Variants in SLC2A10 observed in about 807,000 individuals in gnomAD.
The protein encoded by SLC2A10 is solute carrier family 2, facilitated glucose transporter member 10.
SLC2A10 carries 25 observed loss-of-function variants against 32.1 expected under a neutral mutation model. The observed-to-expected ratio is 0.78, with a 90% CI of 0.57 to 1.09. SLC2A10 has a LOEUF of 1.09. SLC2A10 is among the 50% of genes least tolerant of loss of function. SLC2A10 has a pLI of 0.00. For missense variants in SLC2A10, 673 were observed against 686.5 expected, an observed-to-expected ratio of 0.98 and a Z score of 0.22; for synonymous variants, 332 against 309.6, an observed-to-expected ratio of 1.07 and a Z score of -0.76.
Position 46,726,895 on chromosome 20 carries a change from T to G in SLC2A10, c.1320T>G (p.Pro440=). The stretch of plus-strand genomic sequence containing the variant: ...GGCTTGTCCTCAGCGAGATCTACCC[T>G]GTGGAGATACGAGGAAGAGCCTTCG... ...VTWLVLSEIY[P]VEIRGRAFAF... is the part of the protein sequence containing the mutation. The change falls in exon 3 of 5, where the codon CCT becomes CCG. Residue 440 remains proline, a synonymous_variant. Coordinates refer to ENST00000359271, the MANE Select transcript of SLC2A10 (RefSeq NM_030777.4). 1 of 1,614,150 alleles carries G rather than the reference T, an allele frequency of 6.2e-7. No individual in the cohort carries two copies. Among genetic ancestry groups the G allele is most frequent in the Non-Finnish European group, 8.5e-7 (1 of 1,180,036 alleles).
chr20:46,709,689 G>A lies in SLC2A10; in HGVS notation c.-48G>A, dbSNP rs1450918539. On this transcript the variant is annotated 5_prime_UTR_variant, in exon 1 of 5. Transcript: ENST00000359271. ...CGTTGGGGACTCCGGCGGGGGATGC[G>A]CGCCCGGCCCCTCAGCGCCCCCAGC... 33 of 1,535,046 alleles carry A rather than the reference G, an allele frequency of 2.1e-5. No homozygotes were observed. Among genetic ancestry groups the A allele is most frequent in the Non-Finnish European group, 2.7e-5 (31 of 1,141,510 alleles).
At chr20:46,732,921 A>T (rs1980372125) in intron 4 of SLC2A10, among the ~76,000 whole-genome samples, 2 of 152,146 alleles carry the variant, frequency 1.3e-5, no homozygotes, top group South Asian at 4.2e-4. Flanking sequence ...CCGGAGGTGG[A>T]AACAAGTTAG....
Position 46,728,088 on chromosome 20 carries a change from A to AAGGGAGGAAGGAAGGGAGGG in SLC2A10, c.1411+1118_1411+1137dup, listed in dbSNP as rs1303837223. On this transcript the variant is annotated intron_variant, in intron 3 of 4. Transcript: ENST00000359271. Reference sequence around the variant, plus strand: ...AGGAGAAAGAAGGAGAGAAACAAGGAAGGGAGGAAGGAAGGGAGGGAGGGA... The same window carrying AAGGGAGGAAGGAAGGGAGGG: ...AGGAGAAAGAAGGAGAGAAACAAGGAAGGGAGGAAGGAAGGGAGGGAGGGAGGAAGGAAGGGAGGGAGGGA... Among the ~76,000 whole-genome samples the AAGGGAGGAAGGAAGGGAGGG allele has an allele frequency of 5.7e-4, 87 of 152,016 alleles. 1 individual carries two copies. The highest frequency in any genetic ancestry group is 3.4e-3 in the Middle Eastern group (1 of 294).
intron 1 of SLC2A10, among the ~76,000 whole-genome samples, chr20:46,723,819 C>G (rs2123036646): frequency 6.6e-6 from 1 of 152,348 alleles, no homozygotes; most frequent in Middle Eastern, 3.4e-3. Flanking sequence ...CTACAACTTA[C>G]TTGTTATGTG....
chr20:46,733,057 T>C (rs1980379070), intron 4 of SLC2A10, among the ~76,000 whole-genome samples: 1 of 152,186 alleles, frequency 6.6e-6, no homozygotes, highest in African/African-American at 2.4e-5. Flanking sequence ...AGCATGATGA[T>C]GGTCTCCTTC....
At chr20:46,710,248 T>C (rs1015931730) in intron 1 of SLC2A10, 2 of 394,298 alleles carry the variant, frequency 5.1e-6, no homozygotes, top group East Asian at 3.6e-5. Context: ...TAACACAGCA[T>C]TGGGGTGGGA....
chr20:46,726,841 G>A (rs753340133), intron 2 of SLC2A10, 23 bp from the exon 3 acceptor site: 2 of 1,613,834 alleles, frequency 1.2e-6, no homozygotes, highest in Non-Finnish European at 8.5e-7. Flanking sequence ...CAGCCCAGGA[G>A]CCCTCCTGCT....
At chr20:46,723,469 G>C (rs1338114923) in intron 1 of SLC2A10, among the ~76,000 whole-genome samples, 1 of 152,184 alleles carries the variant, frequency 6.6e-6, no homozygotes. Context: ...AATGGACATT[G>C]ATTGGGCCAC....
intron 1 of SLC2A10, among the ~76,000 whole-genome samples, chr20:46,721,364 T>G (rs1169580653): frequency 6.6e-6 from 1 of 151,446 alleles, no homozygotes; most frequent in African/African-American, 2.4e-5. Context: ...TGCAAATCTC[T>G]AAATTATTGT....
In SLC2A10 at chr20:46,735,258, A is replaced by G. The variant is rs1319300085; in HGVS notation, c.*1424A>G. On this transcript the variant is annotated 3_prime_UTR_variant, in exon 5 of 5. Transcript: ENST00000359271. ...CATATGGGTGCTGGCAGAGCCCCCA[A>G]GGACTCTGGCCTCTCGAGTTCTCCT... is the stretch of plus-strand genomic sequence containing the variant. The G allele has an allele frequency of 6.6e-6, 1 of 152,642 alleles. No individual in the cohort carries two copies. The highest frequency in any genetic ancestry group is 1.9e-4 in the East Asian group (1 of 5,188). The allele number at this position is 152,642 out of a possible 1,614,324, so 9.5% of individuals were successfully genotyped here.
In SLC2A10 at chr20:46,725,468, C is replaced by A. The variant is rs371344477; in HGVS notation, c.432C>A (p.Thr144=). ...TGTCCCTCTATGAGGCAGGCATCAC[C>A]GTGGGCATCCTGCTCTCCTATGCCC... ...VLVSLYEAGI[T]VGILLSYALN... is the part of the protein sequence containing the mutation. Residue 144 remains threonine, a synonymous_variant, in exon 2 of 5, where the codon ACC becomes ACA. Coordinates refer to ENST00000359271, the MANE Select transcript of SLC2A10 (RefSeq NM_030777.4). The A allele has an allele frequency of 6.2e-7, 1 of 1,614,104 alleles. No individual in the cohort carries two copies. Among genetic ancestry groups the A allele is most frequent in the Admixed American group, 1.7e-5 (1 of 60,020 alleles).
chr20:46,726,318 G>A lies in SLC2A10; in HGVS notation c.1282G>A (p.Gly428Arg). 1.2e-6 allele frequency: 2 copies of A among 1,608,562 alleles called. No individual in the cohort carries two copies. Among genetic ancestry groups the A allele is most frequent in the Non-Finnish European group, 1.7e-6 (2 of 1,180,004 alleles). ...TGTCAGTGCCTTCTCCTTTGGGTTTGGGCCAGGTAAGTGGAGTTTTCTTGC... is the reference window on the plus strand; with the variant it reads ...TGTCAGTGCCTTCTCCTTTGGGTTTAGGCCAGGTAAGTGGAGTTTTCTTGC... Reference protein sequence around the residue: ...VFVSAFSFGFGPVTWLVLSEI... With the variant: ...VFVSAFSFGFRPVTWLVLSEI... Residue 428 changes from glycine to arginine, a missense_variant, in exon 2 of 5, where the codon GGG becomes AGG. Coordinates refer to ENST00000359271, the MANE Select transcript of SLC2A10 (RefSeq NM_030777.4).
chr20:46,728,946 AT>A (rs113226911), intron 3 of SLC2A10, among the ~76,000 whole-genome samples: 4,266 of 144,658 alleles, frequency 0.029, 178 homozygotes, highest in African/African-American at 0.092. Flanking sequence ...ATTTCTAAGG[AT>A]TTTTTTTTTT....
Position 46,725,491 on chromosome 20 carries a change from C to T in SLC2A10, c.455C>T (p.Ala152Val), listed in dbSNP as rs775987124. Residue 152 changes from alanine to valine, a missense_variant, in exon 2 of 5, where the codon GCC (alanine) becomes GTC (valine). By Grantham distance (64) the Ala-to-Val change is moderately conservative (BLOSUM62 0). Transcript: ENST00000359271. ...GITVGILLSYALNYALAGTPW... is the reference protein window; with the variant it reads ...GITVGILLSYVLNYALAGTPW... ...ACCGTGGGCATCCTGCTCTCCTATG[C>T]CCTCAACTATGCACTGGCTGGTACC... 42 of 1,614,056 alleles carry T rather than the reference C, an allele frequency of 2.6e-5. No individual in the cohort carries two copies. Among genetic ancestry groups the T allele is most frequent in the Non-Finnish European group, 3.6e-5 (42 of 1,180,026 alleles).
chr20:46,733,891 T>C lies in SLC2A10; in HGVS notation c.*57T>C, dbSNP rs1453070494. 6.7e-5 allele frequency: 103 copies of C among 1,533,298 alleles called. No individual in the cohort carries two copies. Among genetic ancestry groups the C allele is most frequent in the Non-Finnish European group, 9.3e-5 (103 of 1,110,542 alleles). 95.0% of individuals were successfully genotyped at this position (1,533,298 alleles called of 1,614,324 possible). A position where few individuals can be genotyped will look rare whatever the true frequency, so the allele number is the denominator to read the frequency against. On this transcript the variant is annotated 3_prime_UTR_variant, in exon 5 of 5. Coordinates refer to ENST00000359271, the MANE Select transcript of SLC2A10 (RefSeq NM_030777.4). ...TGGCTTTGGCAGACCATCTCCAGCA[T>C]CCTGCTTCCTAGGCCCCAGAGCACA...
rs1002316961 is a variant in SLC2A10 at position 46,736,107 on chromosome 20, A to G, written c.*2273A>G. The G allele has an allele frequency of 1.3e-5, 2 of 152,222 alleles. No homozygotes were observed. Among genetic ancestry groups the G allele is most frequent in the African/African-American group, 4.8e-5 (2 of 41,448 alleles). 9.4% of individuals were successfully genotyped at this position (152,222 alleles called of 1,614,324 possible). On this transcript the variant is annotated 3_prime_UTR_variant, in exon 5 of 5. Coordinates refer to ENST00000359271, the MANE Select transcript of SLC2A10 (RefSeq NM_030777.4). ...AAAAAATATTAACAAAATATTCTGT[A>G]AGAATCAATTGTCTATATGGAATTT...
intron 3 of SLC2A10, 73 bp downstream of exon 3, chr20:46,727,059 AT>A: frequency 6.3e-7 from 1 of 1,584,204 alleles, no homozygotes; most frequent in Non-Finnish European, 8.7e-7. Flanking sequence ...AAATTTTTGG[AT>A]TTTCCTATGT....
chr20:46,712,651 CTTTTTT>C (rs11477202), intron 1 of SLC2A10, among the ~76,000 whole-genome samples: 1 of 94,424 alleles, frequency 1.1e-5, no homozygotes. Context: ...TTCTTTCTTT[CTTTTTT>C]TTTTTTTTTT....
intron 1 of SLC2A10, chr20:46,710,143 C>T (rs527316531): frequency 8.4e-4 from 363 of 430,054 alleles, no homozygotes; most frequent in South Asian, 1.4e-3. Flanking sequence ...CTGTTGTGGG[C>T]CTGGGGACGC....
Sources: allele counts gnomAD v4.1 joint callset (sites outside exome capture counted in the v4.1 genomes callset), GRCh38; gene constraint gnomAD v4.1.1; transcripts MANE v1.5; gene names NCBI Gene and HGNC (gene_info 2026-07-23, HGNC 2026-07-21).